Variants in MEI1 observed in about 807,000 individuals in gnomAD.
MEI1 encodes the protein meiotic double-stranded break formation protein 1, also known as meiosis inhibitor protein 1.
MEI1 carries 103 observed loss-of-function variants against 146.2 expected under a neutral mutation model. The ratio of observed to expected loss-of-function variants is 0.70; its 90% confidence interval spans 0.60 to 0.83. MEI1 has a LOEUF of 0.83. Ranked by LOEUF, MEI1 falls within the 40% of genes least tolerant of loss-of-function variation. MEI1 has a pLI of 0.00. For missense variants in MEI1, 1,529 were observed against 1,533.0 expected, an observed-to-expected ratio of 1.00 and a Z score of 0.04; for synonymous variants, 652 against 628.2, an observed-to-expected ratio of 1.04 and a Z score of -0.57.
At chr22:41,754,670 G>T (rs1175972099) in intron 17 of MEI1, among the ~76,000 whole-genome samples, 1 of 152,096 alleles carries the variant, frequency 6.6e-6, no homozygotes, top group South Asian at 2.1e-4. Flanking sequence ...CTGACCTCAG[G>T]TAATCTGCCT....
chr22:41,739,489 A>G (rs1269861623), intron 11 of MEI1, among the ~76,000 whole-genome samples: 1 of 151,010 alleles, frequency 6.6e-6, no homozygotes, highest in East Asian at 1.9e-4. Flanking sequence ...AGTTGTTAAT[A>G]TTTATAGTCT....
At chr22:41,768,248 G>A (rs1298983129) in intron 19 of MEI1, among the ~76,000 whole-genome samples, 6 of 152,038 alleles carry the variant, frequency 3.9e-5, no homozygotes, top group African/African-American at 1.2e-4. Flanking sequence ...TGGGCGTGGC[G>A]GCATGCGCCT....
chr22:41,797,683 C>T (rs568313339), intron 30 of MEI1, among the ~76,000 whole-genome samples: 1 of 152,240 alleles, frequency 6.6e-6, no homozygotes, highest in East Asian at 1.9e-4. Flanking sequence ...TGTGTTTAGA[C>T]TTGGGTCCCA....
At chr22:41,704,161 A>G (rs1286165059) in intron 2 of MEI1, among the ~76,000 whole-genome samples, 1 of 152,098 alleles carries the variant, frequency 6.6e-6, no homozygotes, top group Non-Finnish European at 1.5e-5. Context: ...CTTTCTTTTA[A>G]TGTGACGGTA....
chr22:41,736,559 T>A (rs9607836), intron 11 of MEI1, among the ~76,000 whole-genome samples: 4 of 151,718 alleles, frequency 2.6e-5, no homozygotes, highest in East Asian at 1.9e-4. Flanking sequence ...GGCCAAAAAA[T>A]TTTTTTTTAT....
rs758200303 is a variant in MEI1, at chr22:41,743,160, A to G, written c.1412A>G (p.Glu471Gly). ...LLEAMLNRCA[E>G]FSQTLLSRRP... ...GAAGCCATGCTAAACCGATGTGCGGAGTTTTCCCAGACCTTGCTGAGCAGG... is the reference window on the plus strand; with the variant it reads ...GAAGCCATGCTAAACCGATGTGCGGGGTTTTCCCAGACCTTGCTGAGCAGG... The change falls in exon 12 of 31, where the codon GAG (glutamate) becomes GGG (glycine). Residue 471 changes from glutamate (E) to glycine (G), a missense_variant. Coordinates refer to ENST00000401548, the MANE Select transcript of MEI1 (RefSeq NM_152513.4). The G allele has an allele frequency of 1.2e-6, 2 of 1,613,108 alleles. No individual in the cohort carries two copies. Among genetic ancestry groups the G allele is most frequent in the Non-Finnish European group, 1.7e-6 (2 of 1,179,804 alleles).
At position 41,763,250 on chromosome 22, in the gene MEI1, C is replaced by T. The variant is rs200561206; in HGVS notation, c.2197C>T (p.Pro733Ser). 66 of 1,613,926 alleles carry T rather than the reference C, an allele frequency of 4.1e-5. No individual in the cohort carries two copies. In the African/African-American group the frequency reaches 7.3e-4, roughly 18 times the overall value. The change falls in exon 19 of 31, where the codon CCA (proline) becomes TCA (serine). Residue 733 changes from proline to serine, a missense_variant. Transcript: ENST00000401548. ...LSLQDQGERP[P>S]LVVFKASIYL... ...GCTGCAGGACCAGGGCGAGCGCCCC[C>T]CACTGGTGGTCTTCAAAGCCTCCAT... is the stretch of plus-strand genomic sequence containing the variant.
At chr22:41,716,355 CTTTTTTTTT>C (rs6147630) in intron 5 of MEI1, among the ~76,000 whole-genome samples, 487 of 117,960 alleles carry the variant, frequency 4.1e-3, no homozygotes, top group African/African-American at 0.014. Context: ...TCCATTCATT[CTTTTTTTTT>C]TTTTTTTTTT....
At chr22:41,716,014 A>C (rs758352526) in intron 4 of MEI1, 27 bp from the exon 5 acceptor site, 1 of 1,528,174 alleles carries the variant, frequency 6.5e-7, no homozygotes, top group Non-Finnish European at 9.0e-7. Context: ...CCTAATTGAC[A>C]GAATGGAGCA....
intron 11 of MEI1, among the ~76,000 whole-genome samples, chr22:41,735,227 GTTTTTTTTTTT>G (rs1279915415): frequency 7.0e-5 from 6 of 85,502 alleles, no homozygotes; most frequent in Admixed American, 1.4e-4. Context: ...CTCCCAAAGT[GTTTTTTTTTTT>G]TTTTTTTTTT....
chr22:41,753,696 C>G (rs1271334905), intron 16 of MEI1: 1 of 358,810 alleles, frequency 2.8e-6, no homozygotes, highest in East Asian at 6.0e-5. Context: ...TCAGGCTGGT[C>G]TAGAACTCCT....
At chr22:41,723,865 A>T (rs1281267031) in intron 6 of MEI1, 78 bp from the exon 7 acceptor site, 1 of 1,483,932 alleles carries the variant, frequency 6.7e-7, no homozygotes, top group Non-Finnish European at 9.1e-7. Context: ...TTCTCTGGGG[A>T]TGTCTGAGGG....
chr22:41,798,143 ACACACACACACACAC>A (rs1378055386), intron 30 of MEI1, among the ~76,000 whole-genome samples: 2 of 150,524 alleles, frequency 1.3e-5, no homozygotes, highest in Non-Finnish European at 3.0e-5. Context: ...ACACACACAC[ACACACACACACACAC>A]ACACACACAC....
At chr22:41,767,357 TCTC>T (rs2074922314) in intron 19 of MEI1, among the ~76,000 whole-genome samples, 2 of 152,184 alleles carry the variant, frequency 1.3e-5, no homozygotes, top group African/African-American at 2.4e-5. Flanking sequence ...CCTGGCGAGA[TCTC>T]CTTCCCTTTC....
chr22:41,781,967 C>T (rs2075773844), intron 24 of MEI1, 122 bp downstream of exon 24: 1 of 1,089,822 alleles, frequency 9.2e-7, no homozygotes, highest in East Asian at 2.5e-5. Flanking sequence ...AAGGTATTTA[C>T]CCTTTCTGAG....
rs777531627 is a variant in MEI1, at chr22:41,703,468, G to T, written c.298+14G>T. On this transcript the variant is annotated intron_variant, in intron 2 of 30. Transcript: ENST00000401548. ...GTGTGCTTTTTGGTAAGATTAAGAG[G>T]GAAATTTGACATGAGTTTTGAATGT... 3.1e-5 allele frequency: 48 copies of T among 1,547,328 alleles called. No individual in the cohort carries two copies. The highest frequency in any genetic ancestry group is 2.6e-6 in the Non-Finnish European group (3 of 1,147,082).
intron 19 of MEI1, among the ~76,000 whole-genome samples, chr22:41,766,885 AG>A: frequency 6.7e-6 from 1 of 149,164 alleles, no homozygotes; most frequent in East Asian, 2.0e-4. Flanking sequence ...CTAGTTTATC[AG>A]GAAGTTGTTC....
chr22:41,707,301 G>A (rs548256648), intron 3 of MEI1, among the ~76,000 whole-genome samples: 13 of 152,260 alleles, frequency 8.5e-5, no homozygotes, highest in African/African-American at 3.1e-4. Context: ...TCCCTCACTG[G>A]GGCTGGGGGA....
At chr22:41,798,116 AACACACACACACACACACACACACAC>A (rs60766866) in intron 30 of MEI1, among the ~76,000 whole-genome samples, 103 of 135,914 alleles carry the variant, frequency 7.6e-4, no homozygotes, top group East Asian at 1.7e-3. Flanking sequence ...TCCTCAGCCC[AACACACACACACACACACACACACAC>A]ACACACACAC....
Sources: gnomAD v4.1 joint callset for allele counts (sites outside exome capture counted in the v4.1 genomes callset) on GRCh38, gnomAD v4.1.1 for gene constraint, MANE v1.5 for transcripts, NCBI Gene and HGNC (gene_info 2026-07-23, HGNC 2026-07-21) for gene names.